Variants in CRYM observed in about 807,000 individuals in gnomAD.
The protein encoded by CRYM is crystallin mu.
In CRYM, 18 loss-of-function variants were observed where a neutral mutation model predicts 32.9. The ratio of observed to expected loss-of-function variants is 0.55; its 90% confidence interval spans 0.38 to 0.81. The LOEUF is 0.81. CRYM is among the 30% of genes least tolerant of loss of function. CRYM has a pLI of 0.00. For missense variants in CRYM, 337 were observed against 393.5 expected (o/e 0.86, Z 1.21); for synonymous variants, 153 against 152.4 (o/e 1.00, Z -0.03).
In CRYM at chr16:21,262,020, G is replaced by A. The variant is rs199901424; in HGVS notation, c.795+17C>T. ...CCAGCCAGGTGGCAGCCCTGACTGG[G>A]GTCAGAAGGGCCTCACCCCTGACAG... On this transcript the variant is annotated intron_variant, in intron 6 of 7. Coordinates refer to ENST00000572914, the MANE Select transcript of CRYM (RefSeq NM_001376256.1). The A allele has an allele frequency of 1.9e-6, 3 of 1,613,624 alleles. No homozygotes were observed. The highest frequency in any genetic ancestry group is 1.7e-4 in the Middle Eastern group (1 of 6,012).
rs1156965560 is a variant in CRYM at position 21,267,647 on chromosome 16, C to A, written c.580G>T (p.Ala194Ser). Reference sequence around the variant, plus strand: ...ATGATCACATCTGCACCTGCCACAGCCTCCTGGACCGAAGAACAGACCCGT... The same window carrying A: ...ATGATCACATCTGCACCTGCCACAGACTCCTGGACCGAAGAACAGACCCGT... ...EVRVCSSVQE[A>S]VAGADVIITV... is the part of the protein sequence containing the mutation. The change falls in exon 5 of 8, where the codon GCT becomes TCT. Residue 194 changes from alanine (A) to serine (S), a missense_variant. Ala to Ser is a moderately conservative substitution (Grantham distance 99). Transcript: ENST00000572914. 1.2e-6 allele frequency: 2 copies of A among 1,614,210 alleles called. No individual in the cohort carries two copies. The highest frequency in any genetic ancestry group is 4.5e-5 in the East Asian group (2 of 44,888).
chr16:21,270,480 CA>C (rs950556089), intron 3 of CRYM, among the ~76,000 whole-genome samples: 1 of 152,070 alleles, frequency 6.6e-6, no homozygotes, highest in Non-Finnish European at 1.5e-5. Flanking sequence ...GATGGGGTTT[CA>C]CCATGTTGGC....
intron 2 of CRYM, among the ~76,000 whole-genome samples, chr16:21,276,413 A>G (rs978899268): frequency 1.2e-4 from 18 of 152,190 alleles, no homozygotes; most frequent in South Asian, 4.1e-4. Flanking sequence ...GGAGTGTTAA[A>G]CGGCCAGATT....
chr16:21,285,502 A>AG (rs1424245077), intron 1 of CRYM, among the ~76,000 whole-genome samples: 2 of 152,166 alleles, frequency 1.3e-5, no homozygotes. Context: ...TGTGTAGACA[A>AG]GGAACCATGC....
chr16:21,284,903 A>G (rs111645046), intron 1 of CRYM, among the ~76,000 whole-genome samples: 2 of 152,336 alleles, frequency 1.3e-5, no homozygotes, highest in African/African-American at 4.8e-5. Flanking sequence ...ACAGTGTATA[A>G]GTGTTCTCTT....
chr16:21,266,417 T>C (rs1466153857), intron 5 of CRYM, among the ~76,000 whole-genome samples: 1 of 152,152 alleles, frequency 6.6e-6, no homozygotes, highest in Non-Finnish European at 1.5e-5. Context: ...AAAGAATTCA[T>C]GACAGCACCT....
chr16:21,296,137 C>T (rs1960783284), intron 1 of CRYM, among the ~76,000 whole-genome samples: 2 of 152,108 alleles, frequency 1.3e-5, no homozygotes, highest in Non-Finnish European at 2.9e-5. Flanking sequence ...AGGGTTTCAC[C>T]ATATTGGTCA....
intron 5 of CRYM, among the ~76,000 whole-genome samples, chr16:21,263,671 C>A (rs1320685179): frequency 2.0e-5 from 3 of 152,202 alleles, no homozygotes; most frequent in African/African-American, 7.2e-5. Flanking sequence ...AGTCCAGGAC[C>A]AGAATGATGA....
intron 1 of CRYM, chr16:21,300,391 A>G (rs1465950029): frequency 6.6e-6 from 1 of 152,124 alleles, no homozygotes. Context: ...AGCAAGCTAA[A>G]GAGCAATTTG....
rs147842692 is a variant in CRYM, at chr16:21,293,162, G to C, written c.-193+9816C>G. ...TGAGAAAGGATAGTCATTTCAATTAGTGGTCATGGCCCTAACCTGTAAAAG... is the reference window on the plus strand; with the variant it reads ...TGAGAAAGGATAGTCATTTCAATTACTGGTCATGGCCCTAACCTGTAAAAG... On this transcript the variant is annotated intron_variant, in intron 1 of 9. Coordinates refer to the CRYM transcript ENST00000219599. Among the ~76,000 whole-genome samples the C allele has an allele frequency of 4.6e-5, 7 of 152,310 alleles. No homozygotes were observed. The East Asian group carries it at 1.3e-3, about 29-fold the overall frequency.
intron 3 of CRYM, among the ~76,000 whole-genome samples, chr16:21,272,841 T>A (rs898007627): frequency 2.1e-5 from 3 of 145,190 alleles, no homozygotes; most frequent in Non-Finnish European, 4.5e-5. Context: ...TTTTTTTTTT[T>A]TTTTTTAGTA....
At chr16:21,278,368 C>T (rs989827739), upstream of CRYM, 56 of 1,374,506 alleles carry the variant, frequency 4.1e-5, no homozygotes, top group Non-Finnish European at 5.4e-5. Flanking sequence ...ACAGCCCAGC[C>T]TCCGGGGGCG....
At chr16:21,297,579 G>T (rs1418980664) in intron 1 of CRYM, among the ~76,000 whole-genome samples, 2 of 152,140 alleles carry the variant, frequency 1.3e-5, no homozygotes, top group Non-Finnish European at 2.9e-5. Context: ...TAAATGAAAG[G>T]TATCTGTGTG....
At chr16:21,276,683 A>T (rs1291962811) in intron 2 of CRYM, among the ~76,000 whole-genome samples, 2 of 152,234 alleles carry the variant, frequency 1.3e-5, no homozygotes, top group Admixed American at 1.3e-4. Flanking sequence ...CCTTCTTGGC[A>T]CATAAGTGCC....
At chr16:21,302,562 G>T (rs76197220) in intron 1 of CRYM, among the ~76,000 whole-genome samples, 3 of 152,112 alleles carry the variant, frequency 2.0e-5, no homozygotes, top group African/African-American at 7.2e-5. Flanking sequence ...AGTGGGGCAG[G>T]GTTTTTAAGC....
intron 1 of CRYM, among the ~76,000 whole-genome samples, chr16:21,293,962 C>A (rs1960725957): frequency 1.3e-5 from 2 of 152,100 alleles, no homozygotes; most frequent in South Asian, 4.1e-4. Flanking sequence ...AACCACAAAG[C>A]AGAGGGAAAT....
At chr16:21,259,351 G>A (rs907214529) in intron 7 of CRYM, among the ~76,000 whole-genome samples, 6 of 151,216 alleles carry the variant, frequency 4.0e-5, no homozygotes, top group Non-Finnish European at 5.9e-5. Flanking sequence ...CAGGCGATCC[G>A]CCCACCTCGG....
rs1190785987 is a variant in CRYM at position 21,273,806 on chromosome 16, TA to T, written c.387+1725del. On this transcript the variant is annotated intron_variant, in intron 3 of 7. Coordinates refer to ENST00000572914, the MANE Select transcript of CRYM (RefSeq NM_001376256.1). ...GGCTGGAAATGAGTTTGAAAAAGAC[TA>T]AAGCTCTTTGCAAATGACAGTAATA... 2.6e-5 allele frequency among the ~76,000 whole-genome samples: 4 copies of T among 152,236 alleles called. No homozygotes were observed. In the South Asian group the frequency reaches 6.2e-4, roughly 24 times the overall value.
intron 1 of CRYM, chr16:21,283,925 C>T: frequency 6.5e-6 from 1 of 152,958 alleles, no homozygotes. Context: ...ACCAGATGGA[C>T]GCGCACCCCG....
Sources: allele counts gnomAD v4.1 joint callset (sites outside exome capture counted in the v4.1 genomes callset), GRCh38; gene constraint gnomAD v4.1.1; transcripts MANE v1.5; gene names NCBI Gene and HGNC (gene_info 2026-07-23, HGNC 2026-07-21).